The following TINAG variants were observed in gnomAD, a reference collection of about 807,000 sequenced individuals.
TINAG encodes tubulointerstitial nephritis antigen.
TINAG carries 83 observed loss-of-function variants against 72.7 expected under a neutral mutation model. The ratio of observed to expected loss-of-function variants is 1.14; its 90% CI spans 0.96 to 1.37. The LOEUF is 1.37. Ranked by LOEUF, TINAG falls within the 40% of genes most tolerant of loss-of-function variation. The pLI is 0.00. For missense variants in TINAG, 685 were observed against 576.6 expected (o/e 1.19, Z -1.93); for synonymous variants, 234 against 189.9 (o/e 1.23, Z -1.91).
At position 54,359,119 on chromosome 6, in the gene TINAG, A is replaced by G. The variant is rs575476857; in HGVS notation, c.1250+4483A>G. 2.6e-5 allele frequency among the ~76,000 whole-genome samples: 4 copies of G among 151,998 alleles called. No individual in the cohort carries two copies. In the South Asian group the frequency reaches 6.2e-4, roughly 24 times the overall value. On this transcript the variant is annotated intron_variant, in intron 9 of 10. Transcript: ENST00000259782. The stretch of plus-strand genomic sequence containing the variant: ...TTTGAATTTATTAAAGACAGAAATC[A>G]TTAAGGTCTTAAAATTCATTCCATT...
intron 4 of TINAG, among the ~76,000 whole-genome samples, chr6:54,337,591 G>A (rs1441827867): frequency 7.9e-5 from 12 of 152,122 alleles, no homozygotes; most frequent in Admixed American, 4.6e-4. Flanking sequence ...GAATAACCCT[G>A]TCTGAACAAA....
chr6:54,346,607 C>T (rs13437568), intron 5 of TINAG, among the ~76,000 whole-genome samples: 1,616 of 151,386 alleles, frequency 0.011, 26 homozygotes, highest in African/African-American at 0.037. Flanking sequence ...ATAGTAGTTA[C>T]AACAGTTAGT....
intron 4 of TINAG, among the ~76,000 whole-genome samples, chr6:54,342,532 C>A (rs1785022134): frequency 6.6e-6 from 1 of 152,000 alleles, no homozygotes; most frequent in Non-Finnish European, 1.5e-5. Context: ...CCATGCCTGG[C>A]TAATTTTTTG....
At chr6:54,336,312 G>T (rs1276314102) in intron 4 of TINAG, among the ~76,000 whole-genome samples, 3 of 152,178 alleles carry the variant, frequency 2.0e-5, no homozygotes, top group South Asian at 4.2e-4. Context: ...AGAATAGCAG[G>T]GTTTTGAGGC....
At chr6:54,314,710 A>AT (rs547940498) in intron 1 of TINAG, among the ~76,000 whole-genome samples, 1 of 152,098 alleles carries the variant, frequency 6.6e-6, no homozygotes, top group Non-Finnish European at 1.5e-5. Context: ...ATGAGTTGTA[A>AT]TTTTTTAATG....
intron 3 of TINAG, among the ~76,000 whole-genome samples, chr6:54,325,535 C>T (rs1784584349): frequency 6.6e-6 from 1 of 152,124 alleles, no homozygotes; most frequent in Non-Finnish European, 1.5e-5. Context: ...CACATACAGA[C>T]ACAGAGAGTT....
intron 2 of TINAG, 35 bp from the exon 3 acceptor site, chr6:54,321,262 A>T (rs751850566): frequency 6.5e-7 from 1 of 1,544,998 alleles, no homozygotes; most frequent in African/African-American, 1.4e-5. Context: ...CTTCATAAAG[A>T]CCAAGCCACT....
At chr6:54,327,582 G>A (rs1055151555) in intron 4 of TINAG, among the ~76,000 whole-genome samples, 5 of 151,828 alleles carry the variant, frequency 3.3e-5, no homozygotes, top group African/African-American at 9.7e-5. Flanking sequence ...CCCCAGTAGT[G>A]CCTGGAATGC....
intron 6 of TINAG, 100 bp from the exon 7 acceptor site, chr6:54,349,616 G>C: frequency 1.8e-6 from 2 of 1,141,388 alleles, no homozygotes; most frequent in Non-Finnish European, 2.4e-6. Context: ...TAAGTAACCA[G>C]AATAATTTAT....
intron 4 of TINAG, 68 bp downstream of exon 4, chr6:54,326,984 G>C: frequency 6.3e-7 from 1 of 1,597,532 alleles, no homozygotes; most frequent in Non-Finnish European, 8.5e-7. Flanking sequence ...TGCATTAAAA[G>C]CAATTATAAA....
At chr6:54,327,207 C>A (rs1784625789) in intron 4 of TINAG, 2 of 1,526,702 alleles carry the variant, frequency 1.3e-6, no homozygotes, top group Non-Finnish European at 1.8e-6. Flanking sequence ...CCCAGCGAGA[C>A]CAACGTAGAA....
intron 1 of TINAG, among the ~76,000 whole-genome samples, chr6:54,316,084 C>T (rs1248039805): frequency 1.3e-5 from 2 of 152,088 alleles, no homozygotes; most frequent in African/African-American, 4.8e-5. Context: ...CCCACATCTA[C>T]GTTGCATGAA....
chr6:54,350,150 C>G (rs964671158), intron 7 of TINAG, among the ~76,000 whole-genome samples: 6 of 151,930 alleles, frequency 3.9e-5, no homozygotes, highest in Non-Finnish European at 7.4e-5. Flanking sequence ...AATTATGTTT[C>G]ATAATATGTG....
intron 1 of TINAG, among the ~76,000 whole-genome samples, chr6:54,320,088 T>C (rs1419951069): frequency 1.3e-5 from 2 of 152,064 alleles, no homozygotes; most frequent in Non-Finnish European, 2.9e-5. Context: ...CTTATTCAGA[T>C]CCTAAAGAAA....
Position 54,326,839 on chromosome 6 carries a change from A to C in TINAG, c.547A>C (p.Thr183Pro). The C allele has an allele frequency of 6.2e-7, 1 of 1,612,070 alleles. No homozygotes were observed. The highest frequency in any genetic ancestry group is 8.5e-7 in the Non-Finnish European group (1 of 1,179,522). ...AQNYSQFWGM[T>P]LEDGFKFRLG... ...GAATTACAGCCAATTTTGGGGAATG[A>C]CTTTAGAAGATGGTTTTAAATTTCG... The change falls in exon 4 of 11, where the codon ACT (threonine) becomes CCT (proline). Residue 183 changes from threonine (T) to proline (P), a missense_variant. Physicochemically the swap from Thr to Pro is conservative, Grantham distance 38 (BLOSUM62 -1). Transcript: ENST00000259782.
rs555734304 is a variant in TINAG, at chr6:54,380,440, G to A, written c.1251-86G>A. 120 of 1,119,784 alleles carry A rather than the reference G, an allele frequency of 1.1e-4. 1 individual carries two copies. The South Asian group carries it at 1.5e-3, about 14-fold the overall frequency. The allele number at this position is 1,119,784 out of a possible 1,614,324, so 69.4% of individuals were successfully genotyped here. On this transcript the variant is annotated intron_variant, in intron 9 of 10. Transcript: ENST00000259782. ...GGGACAGAGAGAAAGCACAAAAGATGTAGGAATGACAATAATCTGCATTCT... is the reference window on the plus strand; with the variant it reads ...GGGACAGAGAGAAAGCACAAAAGATATAGGAATGACAATAATCTGCATTCT...
chr6:54,328,152 A>AC (rs1323066307), intron 4 of TINAG, among the ~76,000 whole-genome samples: 4 of 151,570 alleles, frequency 2.6e-5, no homozygotes, highest in South Asian at 2.1e-4. Context: ...TGGGTTCCTG[A>AC]CCCCCCATGC....
At chr6:54,327,594 A>G (rs1403759642) in intron 4 of TINAG, among the ~76,000 whole-genome samples, 1 of 151,836 alleles carries the variant, frequency 6.6e-6, no homozygotes, top group Non-Finnish European at 1.5e-5. Flanking sequence ...CTGGAATGCC[A>G]GTGAGACAGA....
rs551763847 is a variant in TINAG at position 54,386,197 on chromosome 6, T to C, written c.1297-3594T>C. Among the ~76,000 whole-genome samples, 12 of 152,228 alleles carry C rather than the reference T, an allele frequency of 7.9e-5. No homozygotes were observed. The South Asian group carries it at 2.5e-3, about 32-fold the overall frequency. On this transcript the variant is annotated intron_variant, in intron 10 of 10. Transcript: ENST00000259782. The stretch of plus-strand genomic sequence containing the variant: ...TGAGCCAGTGAACCCGGCTTGAATA[T>C]CTTAATTGGTGCAGAAAATGCATTA...
Sources: gnomAD v4.1 joint callset for allele counts (sites outside exome capture counted in the v4.1 genomes callset) on GRCh38, gnomAD v4.1.1 for gene constraint, MANE v1.5 for transcripts, NCBI Gene and HGNC (gene_info 2026-07-23, HGNC 2026-07-21) for gene names.